GABRA1: variants seen among roughly 807,000 people sequenced by gnomAD.
GABRA1 encodes the protein gamma-aminobutyric acid type A receptor subunit alpha1.
A neutral mutation model predicts 48.9 loss-of-function variants in GABRA1; 9 were observed. That is an observed-to-expected ratio of 0.18 (90% CI 0.11 to 0.32). The LOEUF is 0.32. GABRA1 is among the 10% of genes least tolerant of loss of function. The pLI is 1.00. For missense variants in GABRA1, 285 were observed against 553.8 expected, an observed-to-expected ratio of 0.51 and a Z score of 4.87; for synonymous variants, 210 against 198.7, an observed-to-expected ratio of 1.06 and a Z score of -0.48.
At chr5:161,886,348 GTTT>G (rs11352367) in intron 7 of GABRA1, among the ~76,000 whole-genome samples, 1 of 147,204 alleles carries the variant, frequency 6.8e-6, no homozygotes, top group South Asian at 2.1e-4. Context: ...AATTTTTATG[GTTT>G]TTTTTTTTTG....
intron 3 of GABRA1, among the ~76,000 whole-genome samples, chr5:161,856,868 G>A (rs1282269999): frequency 6.6e-6 from 1 of 151,200 alleles, no homozygotes; most frequent in Non-Finnish European, 1.5e-5. Flanking sequence ...CATAGACTTA[G>A]AGAAATGTGA....
upstream of GABRA1, chr5:161,847,440 A>G (rs1757257182): frequency 6.6e-6 from 1 of 152,226 alleles, no homozygotes; most frequent in Non-Finnish European, 1.5e-5. Flanking sequence ...TCTCCATGAT[A>G]ACATAGACAA....
At position 161,874,098 on chromosome 5, in the gene GABRA1, GT is replaced by G. The variant is rs138377315; in HGVS notation, c.476+767del. On this transcript the variant is annotated intron_variant, in intron 5 of 9. Coordinates refer to ENST00000393943, the MANE Select transcript of GABRA1 (RefSeq NM_001127644.2). The stretch of plus-strand genomic sequence containing the variant: ...TTCCCAGATGACTTGTTAGATACGA[GT>G]TTTTTACATTTGGTCAATACACAGT... Among the ~76,000 whole-genome samples the G allele has an allele frequency of 5.0e-3, 756 of 152,186 alleles. 5 individuals carry two copies. The highest frequency in any genetic ancestry group is 0.017 in the African/African-American group (696 of 41,536).
At chr5:161,883,555 A>G (rs1451694839) in intron 7 of GABRA1, among the ~76,000 whole-genome samples, 1 of 152,288 alleles carries the variant, frequency 6.6e-6, no homozygotes, top group African/African-American at 2.4e-5. Context: ...TGCCCCACAA[A>G]GCCCATTATT....
At chr5:161,870,568 GA>G (rs748877866) in intron 4 of GABRA1, among the ~76,000 whole-genome samples, 673 of 60,354 alleles carry the variant, frequency 0.011, 3 homozygotes, top group African/African-American at 0.036. Context: ...AACTCCTTCA[GA>G]AAAAAAAAAA....
chr5:161,859,789 A>G (rs1007062018), intron 3 of GABRA1, among the ~76,000 whole-genome samples: 1 of 151,862 alleles, frequency 6.6e-6, no homozygotes, highest in African/African-American at 2.4e-5. Context: ...TCAGTCACAA[A>G]GTGATAGCAT....
At chr5:161,883,430 G>A (rs1316211027) in intron 7 of GABRA1, among the ~76,000 whole-genome samples, 2 of 151,974 alleles carry the variant, frequency 1.3e-5, no homozygotes, top group African/African-American at 2.4e-5. Context: ...AAGTTGTTTC[G>A]AACAATAAGA....
intron 3 of GABRA1, among the ~76,000 whole-genome samples, chr5:161,855,035 C>T (rs1044844333): frequency 2.6e-5 from 4 of 151,330 alleles, no homozygotes; most frequent in Non-Finnish European, 5.9e-5. Context: ...ACAAGTGAAG[C>T]AAGGAAATAA....
At chr5:161,867,146 G>A (rs903334455) in intron 4 of GABRA1, among the ~76,000 whole-genome samples, 5 of 152,126 alleles carry the variant, frequency 3.3e-5, no homozygotes, top group African/African-American at 7.2e-5. Context: ...TGGTCAGTCT[G>A]TAGACCACTT....
chr5:161,856,045 A>G (rs1757631135), intron 3 of GABRA1, among the ~76,000 whole-genome samples: 1 of 151,294 alleles, frequency 6.6e-6, no homozygotes, highest in Admixed American at 6.6e-5. Context: ...GTGACTGTTC[A>G]TTTCCTTTTA....
chr5:161,883,830 G>T (rs991477101), intron 7 of GABRA1, among the ~76,000 whole-genome samples: 1 of 152,006 alleles, frequency 6.6e-6, no homozygotes, highest in Non-Finnish European at 1.5e-5. Flanking sequence ...TCTCTTGCTT[G>T]CTTAGAAGCC....
chr5:161,868,788 T>G (rs1428502109), intron 4 of GABRA1, among the ~76,000 whole-genome samples: 1 of 152,212 alleles, frequency 6.6e-6, no homozygotes, highest in Admixed American at 6.5e-5. Context: ...TGCTTCAGAT[T>G]AATTGTGATT....
rs1345135663 is a variant in GABRA1, at chr5:161,890,281, T to C, written c.704-617T>C. On this transcript the variant is annotated intron_variant, in intron 7 of 9. Transcript: ENST00000393943. The stretch of plus-strand genomic sequence containing the variant: ...TTCAAAGAATGGTTTGTAAATCTAG[T>C]TGGGATTTGAAGAACTGCATTCTTC... Among the ~76,000 whole-genome samples the C allele has an allele frequency of 3.9e-5, 6 of 152,176 alleles. No homozygotes were observed. The East Asian group carries it at 9.7e-4, about 25-fold the overall frequency.
At chr5:161,875,786 T>C in intron 6 of GABRA1, 144 bp downstream of exon 6, 1 of 696,868 alleles carries the variant, frequency 1.4e-6, no homozygotes, top group Non-Finnish European at 2.6e-6. Context: ...TAAGTAGTGC[T>C]CTGTGACTTC....
intron 3 of GABRA1, among the ~76,000 whole-genome samples, chr5:161,864,710 A>G (rs1447041615): frequency 6.6e-6 from 1 of 151,954 alleles, no homozygotes; most frequent in Non-Finnish European, 1.5e-5. Flanking sequence ...TAACTCTTTA[A>G]GGACTCAAGA....
intron 3 of GABRA1, 79 bp downstream of exon 3, chr5:161,854,349 G>T: frequency 1.3e-6 from 1 of 794,006 alleles, no homozygotes; most frequent in Non-Finnish European, 2.3e-6. Context: ...ACCTCTAAAT[G>T]GTCAAATAAT....
chr5:161,896,997 T>G, intron 9 of GABRA1, 114 bp from the exon 10 acceptor site: 1 of 886,178 alleles, frequency 1.1e-6, no homozygotes, highest in Admixed American at 2.2e-5. Context: ...TGTTTTTAAA[T>G]TCCTAAATAA....
chr5:161,874,888 A>T (rs1394771972), intron 5 of GABRA1, among the ~76,000 whole-genome samples: 1 of 152,258 alleles, frequency 6.6e-6, no homozygotes, highest in African/African-American at 2.4e-5. Flanking sequence ...AATCCAAAAA[A>T]AAACAAAACA....
At chr5:161,871,093 CAT>C (rs1235597867) in intron 4 of GABRA1, among the ~76,000 whole-genome samples, 22 of 151,838 alleles carry the variant, frequency 1.4e-4, no homozygotes, top group African/African-American at 4.4e-4. Context: ...ACACAATAAA[CAT>C]GTGAACATCA....
Sources: gnomAD v4.1 joint callset for allele counts (sites outside exome capture counted in the v4.1 genomes callset) on GRCh38, gnomAD v4.1.1 for gene constraint, MANE v1.5 for transcripts, NCBI Gene and HGNC (gene_info 2026-07-23, HGNC 2026-07-21) for gene names.